The following CCDC74A variants were observed in gnomAD, a reference collection of about 807,000 sequenced individuals.
CCDC74A encodes coiled-coil domain-containing protein 74A.
Under a neutral mutation model 37.6 loss-of-function variants are expected in CCDC74A, and 38 were observed. The observed-to-expected ratio is 1.01, with a 90% CI of 0.78 to 1.33. CCDC74A has a LOEUF of 1.33. Among genes scored for constraint, CCDC74A ranks in the 40% most tolerant of loss-of-function variants. The pLI is 0.00. For synonymous variants in CCDC74A, 134 were observed against 165.2 expected (o/e 0.81, Z 1.45); for missense variants, 340 against 403.4 (o/e 0.84, Z 1.35).
At chr2:131,528,313 A>T (rs773034042) in intron 1 of CCDC74A, 93 bp downstream of exon 1, 1 of 1,555,760 alleles carries the variant, frequency 6.4e-7, no homozygotes, top group South Asian at 1.2e-5. Context: ...CATCAACTCC[A>T]GCACACGCCT....
upstream of CCDC74A, among the ~76,000 whole-genome samples, chr2:131,523,042 C>G (rs1044450666): frequency 2.0e-5 from 3 of 152,142 alleles, no homozygotes. Flanking sequence ...GTAGCCAGGA[C>G]TACAGGCATG....
chr2:131,525,497 C>T (rs1003993792), upstream of CCDC74A, among the ~76,000 whole-genome samples: 6 of 152,200 alleles, frequency 3.9e-5, no homozygotes, highest in African/African-American at 1.4e-4. Context: ...GGATTACAGG[C>T]ATCAGCCATG....
In CCDC74A at chr2:131,528,049, C is replaced by G. The variant is rs1345685590; in HGVS notation, c.79C>G (p.Pro27Ala). The change falls in exon 1 of 8, where the codon CCC becomes GCC. Residue 27 changes from proline (P) to alanine (A), a missense_variant. Physicochemically the swap from Pro to Ala is conservative, Grantham distance 27. This residue lies in a region of CCDC74A where 154 missense variants were observed against 153.9 expected (regional missense o/e 1.00). Transcript: ENST00000409856. ...TPGSRRRRQR[P>A]SVGVQSLRPQ... ...GGGCTCTCGGCGCCGGCGCCAGCGC[C>G]CCTCTGTGGGCGTCCAGTCCTTGAG... 1.2e-5 allele frequency: 18 copies of G among 1,544,258 alleles called. No individual in the cohort carries two copies. Among genetic ancestry groups the G allele is most frequent in the Non-Finnish European group, 1.4e-5 (16 of 1,152,790 alleles).
intron 4 of CCDC74A, among the ~76,000 whole-genome samples, 171 bp downstream of exon 4, chr2:131,531,973 C>T (rs1344059323): frequency 6.7e-6 from 1 of 148,644 alleles, no homozygotes; most frequent in Non-Finnish European, 1.5e-5. Context: ...GACGGCCACG[C>T]TCTACCCATC....
Position 131,528,396 on chromosome 2 carries a change from C to T in CCDC74A, c.250+176C>T, listed in dbSNP as rs898799109. 1.9e-6 allele frequency: 3 copies of T among 1,550,306 alleles called. No homozygotes were observed. The African/African-American group carries it at 4.1e-5, about 21-fold the overall frequency. ...CTGTCCCCTCCTCCCAGAGGGAGAC[C>T]CGCGTGGCCCCCGGGCAGTGCCGAC... is the stretch of plus-strand genomic sequence containing the variant. On this transcript the variant is annotated intron_variant, in intron 1 of 7. Transcript: ENST00000409856.
chr2:131,525,711 C>CTTTTTTTTTT (rs58721770), upstream of CCDC74A, among the ~76,000 whole-genome samples: 280 of 63,454 alleles, frequency 4.4e-3, 39 homozygotes, highest in African/African-American at 0.02. Flanking sequence ...CTATGCCTGC[C>CTTTTTTTTTT]TTTTTTTTTT....
intron 5 of CCDC74A, 32 bp downstream of exon 5, chr2:131,532,813 G>T: frequency 1.9e-6 from 3 of 1,612,864 alleles, no homozygotes; most frequent in Non-Finnish European, 2.5e-6. Flanking sequence ...GTGGCCCTGG[G>T]CAGTCTGGCA....
intron 1 of CCDC74A, among the ~76,000 whole-genome samples, chr2:131,528,996 G>C (rs1397074963): frequency 7.1e-6 from 1 of 141,822 alleles, no homozygotes; most frequent in East Asian, 2.1e-4. Context: ...ACCCTTAGCT[G>C]CTCCTCACCC....
upstream of CCDC74A, among the ~76,000 whole-genome samples, chr2:131,525,159 G>T (rs1466728753): frequency 6.6e-6 from 1 of 151,890 alleles, no homozygotes; most frequent in Non-Finnish European, 1.5e-5. Context: ...TGAGCAAACT[G>T]TCATCTGTTA....
In CCDC74A at chr2:131,529,689, A is replaced by G; in HGVS notation, c.293A>G (p.Lys98Arg). The change falls in exon 2 of 8, where the codon AAA (lysine) becomes AGA (arginine). Residue 98 changes from lysine to arginine, a missense_variant and splice_region_variant. Lys to Arg is a conservative substitution (Grantham distance 26). Coordinates refer to ENST00000409856, the MANE Select transcript of CCDC74A (RefSeq NM_001258306.3). The stretch of plus-strand genomic sequence containing the variant: ...ATAATGAATCAGACATCACAGAAGA[A>G]AGGTGAGAACTGGGCCCTTCAGTGA... ...KLIMNQTSQK[K>R]DSLSMSSFQS... 1.2e-6 allele frequency: 2 copies of G among 1,613,990 alleles called. No individual in the cohort carries two copies. Among genetic ancestry groups the G allele is most frequent in the Admixed American group, 1.7e-5 (1 of 60,020 alleles).
chr2:131,528,354 C>T, intron 1 of CCDC74A, 134 bp downstream of exon 1: 1 of 1,545,896 alleles, frequency 6.5e-7, no homozygotes, highest in South Asian at 1.2e-5. Context: ...ACGGTAAGCC[C>T]GCCCTGCCAC....
chr2:131,527,671 T>G, upstream of CCDC74A: 2 of 389,444 alleles, frequency 5.1e-6, no homozygotes, highest in South Asian at 6.0e-5. Context: ...CATTTTGTAT[T>G]TTTAGTAGAG....
Position 131,528,209 on chromosome 2 carries a change from G to C in CCDC74A, c.239G>C (p.Arg80Pro), listed in dbSNP as rs1680504840. The change falls in exon 1 of 8, where the codon CGG becomes CCG. Residue 80 changes from arginine (R) to proline (P), a missense_variant. Coordinates refer to ENST00000409856, the MANE Select transcript of CCDC74A (RefSeq NM_001258306.3). ...CATGAGGAGATCGAGCATCTGAAGCGGGAAAACAAGGGTGAGCCGGCGCGG... is the reference window on the plus strand; with the variant it reads ...CATGAGGAGATCGAGCATCTGAAGCCGGAAAACAAGGGTGAGCCGGCGCGG... ...KLHEEIEHLKRENKDLHYKLI... is the reference protein window; with the variant it reads ...KLHEEIEHLKPENKDLHYKLI... The C allele has an allele frequency of 6.2e-7, 1 of 1,612,382 alleles. No individual in the cohort carries two copies. Among genetic ancestry groups the C allele is most frequent in the Non-Finnish European group, 8.5e-7 (1 of 1,179,444 alleles).
At chr2:131,527,030 ATTTTTT>A (rs35146706), upstream of CCDC74A, among the ~76,000 whole-genome samples, 1 of 136,270 alleles carries the variant, frequency 7.3e-6, no homozygotes, top group Non-Finnish European at 1.6e-5. Context: ...CCTGGCTGTG[ATTTTTT>A]TTTTTTTTTT....
intron 1 of CCDC74A, 65 bp from the exon 2 acceptor site, chr2:131,529,582 A>G: frequency 6.2e-7 from 1 of 1,605,450 alleles, no homozygotes; most frequent in Non-Finnish European, 8.5e-7. Context: ...AGGACAGGCC[A>G]GGCTTCTTCT....
upstream of CCDC74A, among the ~76,000 whole-genome samples, chr2:131,527,251 A>G (rs1353608171): frequency 1.4e-4 from 21 of 149,232 alleles, no homozygotes; most frequent in Non-Finnish European, 3.1e-4. Flanking sequence ...CTGGGATTAC[A>G]GGTGTGAGCC....
rs1298580901 is a variant in CCDC74A, at chr2:131,532,715, C to A, written c.612C>A (p.Thr204=). 1 of 1,613,542 alleles carries A rather than the reference C, an allele frequency of 6.2e-7. No individual in the cohort carries two copies. The highest frequency in any genetic ancestry group is 8.5e-7 in the Non-Finnish European group (1 of 1,179,792). ...MILPLPLRKP[T]TLRQCEVLIR... ...TGCCCCTTCCCCTGCGAAAGCCCAC[C>A]ACACTTAGGCAGTGCGAAGTGCTCA... Residue 204 remains threonine, a synonymous_variant, in exon 5 of 8, where the codon ACC becomes ACA. Transcript: ENST00000409856.
At chr2:131,523,608 C>T (rs567213162), upstream of CCDC74A, among the ~76,000 whole-genome samples, 1 of 152,294 alleles carries the variant, frequency 6.6e-6, no homozygotes, top group South Asian at 2.1e-4. Context: ...GCCTGGGTGA[C>T]AGAGACTCCC....
rs1487255243 is a variant in CCDC74A, at chr2:131,531,724, A to G, written c.407A>G (p.Gln136Arg). 3.3e-6 allele frequency: 5 copies of G among 1,504,798 alleles called. No homozygotes were observed. The highest frequency in any genetic ancestry group is 4.4e-6 in the Non-Finnish European group (5 of 1,142,228). The allele number at this position is 1,504,798 out of a possible 1,614,324, so 93.2% of individuals were successfully genotyped here. Residue 136 changes from glutamine (Q) to arginine (R), a missense_variant, in exon 4 of 8, where the codon CAG (glutamine) becomes CGG (arginine). By Grantham distance (43) the Gln-to-Arg change is conservative. This residue lies in a region of CCDC74A where 185 missense variants were observed against 231.5 expected (regional missense o/e 0.80). Transcript: ENST00000409856. Reference sequence around the variant, plus strand: ...CAAGATTCAAAAGCTGACGTCTCCCAGAAGGCGGACCTGGAAGAGGAGCCC... The same window carrying G: ...CAAGATTCAAAAGCTGACGTCTCCCGGAAGGCGGACCTGGAAGAGGAGCCC... ...NKQDSKADVS[Q>R]KADLEEEPLL...
Sources: gnomAD v4.1 joint callset for allele counts (sites outside exome capture counted in the v4.1 genomes callset) on GRCh38, gnomAD v4.1.1 for gene constraint, gnomAD v4.1.1 regional missense constraint, MANE v1.5 for transcripts, NCBI Gene and HGNC (gene_info 2026-07-23, HGNC 2026-07-21) for gene names.